RAVER2: variants seen among roughly 807,000 people sequenced by gnomAD.
RAVER2 encodes the protein ribonucleoprotein, PTB binding 2.
A neutral mutation model predicts 78.1 loss-of-function variants in RAVER2; 46 were observed. The observed-to-expected ratio is 0.59, with a 90% CI of 0.46 to 0.75. RAVER2 has a LOEUF of 0.75. Ranked by LOEUF, RAVER2 falls within the 30% of genes least tolerant of loss-of-function variation. The pLI, the probability that RAVER2 is intolerant of heterozygous loss-of-function variation, is 0.00. For missense variants in RAVER2, 793 were observed against 837.5 expected (o/e 0.95, Z 0.66); for synonymous variants, 311 against 313.3 (o/e 0.99, Z 0.08).
chr1:64,785,308 C>T (rs182722671), intron 4 of RAVER2, among the ~76,000 whole-genome samples: 6 of 151,298 alleles, frequency 4.0e-5, no homozygotes, highest in Admixed American at 1.3e-4. Flanking sequence ...ATTTCTTTAG[C>T]GTCGTTTGAG....
chr1:64,804,649 T>C (rs1259241076), intron 6 of RAVER2, 85 bp from the exon 7 acceptor site: 3 of 660,228 alleles, frequency 4.5e-6, no homozygotes, highest in Non-Finnish European at 8.1e-6. Context: ...TCAGATCGAC[T>C]GGAGAATTGA....
intron 1 of RAVER2, among the ~76,000 whole-genome samples, chr1:64,746,144 A>AT (rs1244237406): frequency 6.6e-6 from 1 of 152,102 alleles, no homozygotes; most frequent in African/African-American, 2.4e-5. Flanking sequence ...CTCTGCATCT[A>AT]TTTAACTTTT....
intron 5 of RAVER2, among the ~76,000 whole-genome samples, chr1:64,793,557 A>G (rs1653002640): frequency 6.6e-6 from 1 of 152,240 alleles, no homozygotes; most frequent in Non-Finnish European, 1.5e-5. Flanking sequence ...CTATTTTTAA[A>G]CAGCTTTATT....
chr1:64,788,716 C>T (rs1431681919), intron 4 of RAVER2, among the ~76,000 whole-genome samples: 3 of 148,136 alleles, frequency 2.0e-5, no homozygotes, highest in East Asian at 2.0e-4. Context: ...GTCATGAACC[C>T]GGGAGGCGGA....
chr1:64,779,886 A>G (rs1033157974), intron 3 of RAVER2, among the ~76,000 whole-genome samples: 5 of 151,856 alleles, frequency 3.3e-5, no homozygotes, highest in African/African-American at 1.2e-4. Flanking sequence ...TTCTGCCAAA[A>G]TACTTCAAAA....
chr1:64,822,076 A>G (rs1470500748), intron 11 of RAVER2, among the ~76,000 whole-genome samples: 5 of 152,210 alleles, frequency 3.3e-5, no homozygotes, highest in Non-Finnish European at 1.5e-5. Flanking sequence ...TCACGAGGTC[A>G]GGAGATCGAG....
chr1:64,830,356 A>C (rs189258504), intron 11 of RAVER2, among the ~76,000 whole-genome samples: 1 of 152,274 alleles, frequency 6.6e-6, no homozygotes, highest in East Asian at 1.9e-4. Context: ...AGAATGTTTC[A>C]TGTTGTTTTC....
exon 9 of RAVER2, chr1:64,807,241 G>T: frequency 6.2e-7 from 1 of 1,614,102 alleles, no homozygotes; most frequent in Non-Finnish European, 8.5e-7. Context: ...AACGATAACA[G>T]CTGGAATGGG....
At chr1:64,777,964 G>A (rs970540568) in exon 3 of RAVER2, 2 of 1,613,946 alleles carry the variant, frequency 1.2e-6, no homozygotes, top group African/African-American at 2.7e-5. Flanking sequence ...ATGGATGGAT[G>A]TTAATCTATT....
intron 5 of RAVER2, among the ~76,000 whole-genome samples, chr1:64,790,100 T>TA (rs1652894475): frequency 6.6e-6 from 1 of 152,236 alleles, no homozygotes; most frequent in Admixed American, 6.5e-5. Context: ...TACAACTTTT[T>TA]ATGTACAAAA....
chr1:64,802,838 A>G, intron 5 of RAVER2, 138 bp from the exon 6 acceptor site: 1 of 488,428 alleles, frequency 2.0e-6, no homozygotes. Flanking sequence ...GACCAATGAC[A>G]AGGTCACTAT....
chr1:64,763,963 A>G (rs1285500944), intron 1 of RAVER2, among the ~76,000 whole-genome samples: 1 of 132,638 alleles, frequency 7.5e-6, no homozygotes, highest in Non-Finnish European at 1.6e-5. Flanking sequence ...CACCCCTACC[A>G]TGTAATTTAG....
chr1:64,800,666 C>T (rs1380653927), intron 5 of RAVER2, among the ~76,000 whole-genome samples: 1 of 152,080 alleles, frequency 6.6e-6, no homozygotes, highest in African/African-American at 2.4e-5. Context: ...TGCCTTTTTC[C>T]TCATTGAAGT....
chr1:64,804,814 G>A (rs1283709269), exon 7 of RAVER2: 3 of 1,558,448 alleles, frequency 1.9e-6, no homozygotes, highest in East Asian at 4.5e-5. Context: ...AATTAATGAA[G>A]TTTGAGAATA....
At chr1:64,781,354 C>T (rs1652620595) in intron 3 of RAVER2, 26 bp from the exon 4 acceptor site, 3 of 1,488,370 alleles carry the variant, frequency 2.0e-6, no homozygotes, top group Non-Finnish European at 1.8e-6. Flanking sequence ...ATCGGAATTA[C>T]TGTTTAATAG....
chr1:64,827,893 T>C (rs1654038035), intron 11 of RAVER2, among the ~76,000 whole-genome samples: 1 of 152,228 alleles, frequency 6.6e-6, no homozygotes, highest in South Asian at 2.1e-4. Context: ...GGTATGGTCC[T>C]GTTTACAGTC....
In RAVER2 at chr1:64,745,787, G is replaced by T. The variant is rs559393673; in HGVS notation, c.249+366G>T. 9.3e-4 allele frequency among the ~76,000 whole-genome samples: 142 copies of T among 152,134 alleles called. No homozygotes were observed. Among genetic ancestry groups the T allele is most frequent in the African/African-American group, 2.9e-3 (120 of 41,504 alleles). ...CACACATTTTGCGGGGGGGAGCGGG[G>T]GTAGAGGGGGCCGAAGCTTCGGGAG... is the stretch of plus-strand genomic sequence containing the variant. On this transcript the variant is annotated intron_variant, in intron 1 of 11. Transcript: ENST00000294428. This position sits in a 1 kb window ranked among gnomAD's most constrained non-coding sequence, Gnocchi z 4.3.
rs563584330 is a variant in RAVER2 at position 64,758,109 on chromosome 1, A to G, written c.250-10547A>G. Among the ~76,000 whole-genome samples the G allele has an allele frequency of 6.6e-5, 10 of 152,272 alleles. No homozygotes were observed. The East Asian group carries it at 1.7e-3, about 26-fold the overall frequency. The stretch of plus-strand genomic sequence containing the variant: ...TTCTGACACTCTGCTGGCTTCCTTC[A>G]TGTACAGTGCCCTCCTCACCATGTT... On this transcript the variant is annotated intron_variant, in intron 1 of 11. Transcript: ENST00000294428.
intron 2 of RAVER2, among the ~76,000 whole-genome samples, chr1:64,770,514 C>A (rs186302991): frequency 5.9e-5 from 9 of 152,128 alleles, no homozygotes; most frequent in African/African-American, 1.9e-4. Flanking sequence ...AAACATCTGA[C>A]ACCCAACAAA....
Sources: gnomAD v4.1 joint callset for allele counts (sites outside exome capture counted in the v4.1 genomes callset) on GRCh38, gnomAD v4.1.1 for gene constraint, Gnocchi (gnomAD v3.1) non-coding constraint, MANE v1.5 for transcripts, NCBI Gene and HGNC (gene_info 2026-07-23, HGNC 2026-07-21) for gene names.